Variants in GRIP1 observed in about 807,000 individuals in gnomAD.
The protein encoded by GRIP1 is glutamate receptor-interacting protein 1.
In GRIP1, 45 loss-of-function variants were observed where a neutral mutation model predicts 129.9. The observed-to-expected ratio is 0.35, with a 90% CI of 0.27 to 0.44. The LOEUF is 0.44. Among genes scored for constraint, GRIP1 ranks in the 20% least tolerant of loss-of-function variants. The pLI is 1.00. For missense variants in GRIP1, 1,196 were observed against 1,396.8 expected, an observed-to-expected ratio of 0.86 and a Z score of 2.29; for synonymous variants, 530 against 520.8, an observed-to-expected ratio of 1.02 and a Z score of -0.24.
chr12:66,925,158 A>T (rs1566080784), intron 1 of GRIP1, among the ~76,000 whole-genome samples: 2 of 152,212 alleles, frequency 1.3e-5, no homozygotes, highest in Non-Finnish European at 2.9e-5. Flanking sequence ...TCTGCAGAGA[A>T]GTTTTAAGAA....
chr12:66,723,226 CTCTCTCTCTCTCT>C (rs2036122073), intron 1 of GRIP1, among the ~76,000 whole-genome samples: 2 of 32,428 alleles, frequency 6.2e-5, no homozygotes, highest in African/African-American at 3.2e-4. Flanking sequence ...TTCTTTCTTT[CTCTCTCTCTCTCT>C]CTTCCTTCCT....
At chr12:66,728,813 C>A (rs2036337714) in intron 1 of GRIP1, among the ~76,000 whole-genome samples, 1 of 152,082 alleles carries the variant, frequency 6.6e-6, no homozygotes, top group Non-Finnish European at 1.5e-5. Context: ...AATAGCATTT[C>A]ATTTTGAGAT....
At chr12:66,996,828 T>A (rs1442828339) in intron 1 of GRIP1, among the ~76,000 whole-genome samples, 1 of 152,156 alleles carries the variant, frequency 6.6e-6, no homozygotes, top group African/African-American at 2.4e-5. Context: ...AAAGAAGTTC[T>A]TACCATCCCC....
intron 19 of GRIP1, among the ~76,000 whole-genome samples, chr12:66,389,556 C>G (rs1253006635): frequency 6.6e-6 from 1 of 152,066 alleles, no homozygotes; most frequent in Non-Finnish European, 1.5e-5. Flanking sequence ...GTCAACCTCA[C>G]AAGCACAATC....
chr12:66,590,181 A>G (rs562412188), intron 2 of GRIP1, among the ~76,000 whole-genome samples: 16 of 152,304 alleles, frequency 1.1e-4, no homozygotes, highest in African/African-American at 3.6e-4. Flanking sequence ...CTCTCCTGTG[A>G]CAAAGGGGTA....
chr12:66,803,037 G>C (rs1419907492), intron 1 of GRIP1, among the ~76,000 whole-genome samples: 1 of 152,006 alleles, frequency 6.6e-6, no homozygotes, highest in East Asian at 1.9e-4. Context: ...TTCATCAATC[G>C]CAACAGAATT....
At chr12:66,682,934 T>C (rs2034640947), upstream of GRIP1, among the ~76,000 whole-genome samples, 1 of 152,158 alleles carries the variant, frequency 6.6e-6, no homozygotes, top group African/African-American at 2.4e-5. Flanking sequence ...CATTTAACTA[T>C]TACATTTCTT....
intron 19 of GRIP1, among the ~76,000 whole-genome samples, chr12:66,380,078 T>A (rs28674653): frequency 0.041 from 6,270 of 151,954 alleles, 461 homozygotes; most frequent in African/African-American, 0.14. Flanking sequence ...GCTAATTTTT[T>A]TTTTTATTTT....
At chr12:66,793,799 T>G (rs2038616038) in intron 1 of GRIP1, among the ~76,000 whole-genome samples, 1 of 152,162 alleles carries the variant, frequency 6.6e-6, no homozygotes, top group African/African-American at 2.4e-5. Flanking sequence ...TTAATGCATA[T>G]TGGCTGATAA....
intron 1 of GRIP1, among the ~76,000 whole-genome samples, chr12:66,861,329 C>G (rs1338168561): frequency 3.3e-5 from 5 of 152,098 alleles, no homozygotes; most frequent in Admixed American, 6.6e-5. Context: ...CATCTGGTTA[C>G]CACACAGTGC....
intron 1 of GRIP1, among the ~76,000 whole-genome samples, chr12:66,867,587 T>C (rs1459535082): frequency 6.6e-6 from 1 of 152,146 alleles, no homozygotes; most frequent in Admixed American, 6.6e-5. Flanking sequence ...ACCTTACATA[T>C]GTTATAATTA....
At chr12:66,927,440 C>T (rs1264832650) in intron 1 of GRIP1, among the ~76,000 whole-genome samples, 2 of 152,146 alleles carry the variant, frequency 1.3e-5, no homozygotes, top group Non-Finnish European at 2.9e-5. Context: ...AGACATGTCC[C>T]TATGCTCTTC....
In GRIP1 at chr12:66,704,957, T is replaced by C. The variant is rs372393069; in HGVS notation, c.-419-74621A>G. Among the ~76,000 whole-genome samples the C allele has an allele frequency of 1.2e-4, 18 of 152,156 alleles. 1 individual carries two copies. Among genetic ancestry groups the C allele is most frequent in the South Asian group, 4.1e-4 (2 of 4,822 alleles). On this transcript the variant is annotated intron_variant, in intron 1 of 4. Coordinates refer to the GRIP1 transcript ENST00000538373. ...CATCTTATTATGCTTGTTCTGACAA[T>C]AGTTTGTCTTTCTCTTGTCTAGATG...
intron 1 of GRIP1, among the ~76,000 whole-genome samples, chr12:66,616,167 C>T (rs1416499490): frequency 6.6e-6 from 1 of 152,064 alleles, no homozygotes; most frequent in Admixed American, 6.6e-5. Flanking sequence ...TAATGATGTA[C>T]ATAATGCAGC....
chr12:66,766,741 A>T (rs1247903637), intron 1 of GRIP1, among the ~76,000 whole-genome samples: 1 of 152,214 alleles, frequency 6.6e-6, no homozygotes, highest in East Asian at 1.9e-4. Context: ...AAGACTGGCT[A>T]ATTTTTTCAT....
rs890067473 is a variant in GRIP1, at chr12:67,052,789, G to A, written c.58+16261C>T. ...TGAAGGGAGGGAGGGAGGGAGGGAC[G>A]GAGGGAGGGAGGGAGGAAGGAAATC... On this transcript the variant is annotated intron_variant, in intron 1 of 1. Coordinates refer to the GRIP1 transcript ENST00000643019. Among the ~76,000 whole-genome samples, 38 of 144,292 alleles carry A rather than the reference G, an allele frequency of 2.6e-4. No individual in the cohort carries two copies. The East Asian group carries it at 6.5e-3, about 25-fold the overall frequency. 94.7% of individuals were successfully genotyped at this position (144,292 alleles called of 152,430 possible). A position where few individuals can be genotyped will look rare whatever the true frequency, so the allele number is the denominator to read the frequency against.
At chr12:67,000,762 G>T (rs1471434056) in intron 1 of GRIP1, among the ~76,000 whole-genome samples, 2 of 152,118 alleles carry the variant, frequency 1.3e-5, no homozygotes, top group Non-Finnish European at 2.9e-5. Context: ...TATAGATTTT[G>T]GATATTGTGG....
At chr12:66,730,700 A>C (rs1462350142) in intron 1 of GRIP1, among the ~76,000 whole-genome samples, 1 of 139,912 alleles carries the variant, frequency 7.1e-6, no homozygotes, top group Non-Finnish European at 1.6e-5. Flanking sequence ...AGGGTCATCT[A>C]CAAAAAAAAA....
rs887771735 is a variant in GRIP1 at position 66,511,348 on chromosome 12, G to A, written c.724+4271C>T. Among the ~76,000 whole-genome samples, 6 of 152,176 alleles carry A rather than the reference G, an allele frequency of 3.9e-5. No homozygotes were observed. The South Asian group carries it at 1.2e-3, about 32-fold the overall frequency. ...ATGTCTTTATCAGCAGCATGAAAAT[G>A]GACTAATACAAATACCAAGCACTAG... On this transcript the variant is annotated intron_variant, in intron 7 of 24. Transcript: ENST00000359742.
Sources: allele counts gnomAD v4.1 joint callset (sites outside exome capture counted in the v4.1 genomes callset), GRCh38; gene constraint gnomAD v4.1.1; transcripts MANE v1.5; gene names NCBI Gene and HGNC (gene_info 2026-07-23, HGNC 2026-07-21).